Variants in DRICH1 observed in about 807,000 individuals in gnomAD.
DRICH1 encodes aspartate-rich protein 1.
A neutral mutation model predicts 39.5 loss-of-function variants in DRICH1; 38 were observed. The observed-to-expected ratio is 0.96, with a 90% CI of 0.74 to 1.26. DRICH1 has a LOEUF of 1.26. DRICH1 is among the 50% of genes most tolerant of loss of function. The pLI is 0.00. For missense variants in DRICH1, 279 were observed against 270.4 expected, an observed-to-expected ratio of 1.03 and a Z score of -0.22; for synonymous variants, 84 against 99.5, an observed-to-expected ratio of 0.84 and a Z score of 0.93.
At chr22:23,596,418 G>A in the DRICH1 span, among the ~76,000 whole-genome samples, 10 of 116,346 alleles carry the variant, frequency 8.6e-5, 1 homozygote, top group Middle Eastern at 4.2e-3. Flanking sequence ...TGGCACCCCC[G>A]TTTATTTTTA....
At chr22:23,630,510 T>A (rs1409072225) in intron 1 of DRICH1, 1 of 152,200 alleles carries the variant, frequency 6.6e-6, no homozygotes, top group Non-Finnish European at 1.5e-5. Flanking sequence ...ATGGTGGTGC[T>A]GAAGTTTTTC....
At chr22:23,615,628 ACAGCCATCTGTG>A (rs1927310944) in intron 8 of DRICH1, among the ~76,000 whole-genome samples, 1 of 152,232 alleles carries the variant, frequency 6.6e-6, no homozygotes, top group African/African-American at 2.4e-5. Context: ...CAAACTGGCA[ACAGCCATCTGTG>A]CAGAAATGGA....
chr22:23,590,466 T>G, the DRICH1 span, among the ~76,000 whole-genome samples: 78 of 151,842 alleles, frequency 5.1e-4, no homozygotes, highest in African/African-American at 1.8e-3. Context: ...TTAGTAGAGA[T>G]GGGGTTTTGC....
At chr22:23,587,533 C>G in the DRICH1 span, among the ~76,000 whole-genome samples, 1 of 152,194 alleles carries the variant, frequency 6.6e-6, no homozygotes, top group African/African-American at 2.4e-5. Context: ...GACTGCCTTC[C>G]CTGGGGCACA....
chr22:23,582,555 C>CTTATTATTATTATTATTATTATTA, the DRICH1 span, among the ~76,000 whole-genome samples: 1,544 of 143,864 alleles, frequency 0.011, 9 homozygotes, highest in Middle Eastern at 0.029. Flanking sequence ...CCTTCAGGGG[C>CTTATTATTATTATTATTATTATTA]TTATTATTAT....
chr22:23,609,175 G>C (rs1029510962), intron 11 of DRICH1, among the ~76,000 whole-genome samples: 1 of 152,166 alleles, frequency 6.6e-6, no homozygotes, highest in African/African-American at 2.4e-5. Context: ...AGGGCAGAGG[G>C]ACAGCCAGTG....
intron 11 of DRICH1, among the ~76,000 whole-genome samples, chr22:23,612,266 G>A (rs887593304): frequency 2.0e-5 from 3 of 151,930 alleles, no homozygotes; most frequent in Non-Finnish European, 4.4e-5. Flanking sequence ...AGGAGTTCCT[G>A]ACTAGCCTGG....
At chr22:23,587,440 A>C in the DRICH1 span, among the ~76,000 whole-genome samples, 1 of 152,170 alleles carries the variant, frequency 6.6e-6, no homozygotes, top group Non-Finnish European at 1.5e-5. Context: ...TTATCAGACC[A>C]AAATTCGAAG....
chr22:23,625,658 C>T (rs1569095695), intron 2 of DRICH1, among the ~76,000 whole-genome samples: 1 of 151,978 alleles, frequency 6.6e-6, no homozygotes, highest in South Asian at 2.1e-4. Context: ...GTGTGGGCTG[C>T]AACAAAATGC....
intron 6 of DRICH1, among the ~76,000 whole-genome samples, chr22:23,618,082 C>T (rs1356822084): frequency 6.6e-6 from 1 of 151,310 alleles, no homozygotes; most frequent in Non-Finnish European, 1.5e-5. Flanking sequence ...TCAATTTTAC[C>T]CAAATTACTC....
intron 11 of DRICH1, among the ~76,000 whole-genome samples, chr22:23,608,996 G>A (rs559109962): frequency 7.2e-5 from 11 of 152,276 alleles, no homozygotes; most frequent in African/African-American, 2.4e-4. Flanking sequence ...GAAGTCCTGA[G>A]CCCCACACCC....
chr22:23,625,822 G>A (rs1928026461), intron 2 of DRICH1, among the ~76,000 whole-genome samples, 159 bp downstream of exon 2: 2 of 152,134 alleles, frequency 1.3e-5, no homozygotes, highest in African/African-American at 4.8e-5. Context: ...AAACCGTTCT[G>A]GGTGTGTCTG....
the DRICH1 span, among the ~76,000 whole-genome samples, chr22:23,598,959 C>T: frequency 2.0e-5 from 3 of 152,344 alleles, no homozygotes; most frequent in East Asian, 5.8e-4. Context: ...CTAGCTCTGC[C>T]TCATTCTTTG....
the DRICH1 span, among the ~76,000 whole-genome samples, chr22:23,601,144 G>GCACA: frequency 1.4e-4 from 19 of 139,692 alleles, no homozygotes; most frequent in African/African-American, 5.0e-4. Flanking sequence ...TAACGCACGC[G>GCACA]CGCACACACA....
chr22:23,610,979 C>T (rs952512181), intron 11 of DRICH1, among the ~76,000 whole-genome samples: 3 of 151,032 alleles, frequency 2.0e-5, no homozygotes, highest in East Asian at 1.9e-4. Context: ...GCTCTATGGA[C>T]GCATAACCCT....
chr22:23,586,783 G>T, the DRICH1 span, among the ~76,000 whole-genome samples: 1 of 152,332 alleles, frequency 6.6e-6, no homozygotes, highest in African/African-American at 2.4e-5. Flanking sequence ...GACCTCAGGT[G>T]ATCCACTCGC....
the DRICH1 span, among the ~76,000 whole-genome samples, chr22:23,586,959 G>A: frequency 6.6e-6 from 1 of 152,216 alleles, no homozygotes; most frequent in African/African-American, 2.4e-5. Flanking sequence ...CTTTGAGTAG[G>A]AATTTCACGG....
the DRICH1 span, among the ~76,000 whole-genome samples, chr22:23,588,872 G>A: frequency 6.6e-6 from 1 of 152,074 alleles, no homozygotes; most frequent in Non-Finnish European, 1.5e-5. Flanking sequence ...TGGATACAGG[G>A]CAAAACCACT....
At chr22:23,614,899 A>G (rs1299781719) in intron 8 of DRICH1, among the ~76,000 whole-genome samples, 1 of 152,216 alleles carries the variant, frequency 6.6e-6, no homozygotes, top group East Asian at 1.9e-4. Flanking sequence ...AGCCTGCTCT[A>G]ACTATACCAG....
Sources: gnomAD v4.1 joint callset for allele counts (sites outside exome capture counted in the v4.1 genomes callset) on GRCh38, gnomAD v4.1.1 for gene constraint, MANE v1.5 for transcripts, NCBI Gene and HGNC (gene_info 2026-07-23, HGNC 2026-07-21) for gene names.